The following GATAD1 variants were observed in gnomAD, a reference collection of about 807,000 sequenced individuals.
GATAD1 encodes GATA zinc finger domain containing 1.
GATAD1 carries 12 observed loss-of-function variants against 26.5 expected under a neutral mutation model. That is an observed-to-expected ratio of 0.45 (90% CI 0.29 to 0.73). The LOEUF is 0.73. Ranked by LOEUF, GATAD1 falls within the 30% of genes least tolerant of loss-of-function variation. The pLI, the probability that GATAD1 is intolerant of heterozygous loss-of-function variation, is 0.10. For synonymous variants in GATAD1, 129 were observed against 133.1 expected (o/e 0.97, Z 0.21); for missense variants, 266 against 342.1 (o/e 0.78, Z 1.75).
chr7:92,461,589 T>G (rs1448973594), downstream of GATAD1, among the ~76,000 whole-genome samples: 1 of 152,234 alleles, frequency 6.6e-6, no homozygotes, highest in Non-Finnish European at 1.5e-5. Context: ...ATGTAGTGCT[T>G]TGATACATTT....
chr7:92,448,037 A>C, intron 1 of GATAD1, 59 bp downstream of exon 1: 2 of 1,171,704 alleles, frequency 1.7e-6, no homozygotes, highest in Non-Finnish European at 2.1e-6. Flanking sequence ...GCGGGCGGGG[A>C]CGGGCTGGCT....
the GATAD1 span, chr7:92,470,174 G>A: frequency 1.4e-5 from 11 of 777,322 alleles, no homozygotes; most frequent in Middle Eastern, 3.5e-4. Flanking sequence ...TAGCAGTTGC[G>A]GGGCATATGG....
chr7:92,495,050 C>T, the GATAD1 span, among the ~76,000 whole-genome samples: 4 of 152,032 alleles, frequency 2.6e-5, no homozygotes, highest in East Asian at 7.7e-4. Context: ...TACTTATTGG[C>T]CACCCTTCCT....
At chr7:92,469,540 T>C in the GATAD1 span, 1 of 766,678 alleles carries the variant, frequency 1.3e-6, no homozygotes, top group South Asian at 1.3e-5. Flanking sequence ...TGAAGAGCCA[T>C]TCAAACAACG....
At chr7:92,478,874 C>T in the GATAD1 span, among the ~76,000 whole-genome samples, 1 of 152,302 alleles carries the variant, frequency 6.6e-6, no homozygotes, top group South Asian at 2.1e-4. Flanking sequence ...GTCATGGCCC[C>T]CTCCAGATAA....
the GATAD1 span, chr7:92,494,702 T>C: frequency 1.7e-6 from 2 of 1,183,406 alleles, no homozygotes; most frequent in Non-Finnish European, 2.5e-6. Flanking sequence ...TATACATATA[T>C]GAATGTATTT....
intron 3 of GATAD1, 156 bp from the exon 4 acceptor site, chr7:92,454,346 T>C: frequency 3.2e-6 from 2 of 621,938 alleles, no homozygotes; most frequent in Admixed American, 3.1e-5. Context: ...GAAACAACTT[T>C]AGAATTGGCA....
chr7:92,470,078 C>T, the GATAD1 span: 1 of 778,814 alleles, frequency 1.3e-6, no homozygotes, highest in Middle Eastern at 3.6e-4. Context: ...CAGACAGTGA[C>T]TCCAAGTCCT....
At chr7:92,468,824 G>A in the GATAD1 span, 1 of 764,122 alleles carries the variant, frequency 1.3e-6, no homozygotes, top group Non-Finnish European at 2.4e-6. Context: ...ATTTCCTCAG[G>A]AGGGGTGCCT....
Position 92,447,724 on chromosome 7 carries a change from G to T in GATAD1, c.-6G>T. ...GCGCCCGCGGGGGCCGCCCGAGCCG[G>T]CCACCATGCCGCTGGGCCTGAAGCC... On this transcript the variant is annotated 5_prime_UTR_variant, in exon 1 of 5. Coordinates refer to ENST00000287957, the MANE Select transcript of GATAD1 (RefSeq NM_021167.5). The T allele has an allele frequency of 1.4e-6, 2 of 1,463,942 alleles. No homozygotes were observed. Among genetic ancestry groups the T allele is most frequent in the Non-Finnish European group, 1.8e-6 (2 of 1,107,248 alleles). 90.7% of individuals were successfully genotyped at this position (1,463,942 alleles called of 1,614,324 possible).
chr7:92,459,503 C>G lies in GATAD1; in HGVS notation c.*2941C>G, dbSNP rs928461700. The G allele has an allele frequency of 1.3e-5, 2 of 152,180 alleles. No individual in the cohort carries two copies. The highest frequency in any genetic ancestry group is 2.9e-5 in the Non-Finnish European group (2 of 68,042). The allele number at this position is 152,180 out of a possible 1,614,324, so 9.4% of individuals were successfully genotyped here. ...ATATGGCCCTGGTCTGTGTTCCCAG[C>G]CTTGTTTCCTCATTACCACTAAAAT... is the stretch of plus-strand genomic sequence containing the variant. On this transcript the variant is annotated 3_prime_UTR_variant, in exon 5 of 5. Coordinates refer to ENST00000287957, the MANE Select transcript of GATAD1 (RefSeq NM_021167.5).
chr7:92,453,020 G>C (rs1427835988), intron 3 of GATAD1, among the ~76,000 whole-genome samples: 1 of 152,196 alleles, frequency 6.6e-6, no homozygotes, highest in Non-Finnish European at 1.5e-5. Context: ...GTAGGAACTA[G>C]CAAGTAGCGG....
chr7:92,456,146 A>T (rs1309169748), intron 4 of GATAD1, among the ~76,000 whole-genome samples: 1 of 152,186 alleles, frequency 6.6e-6, no homozygotes, highest in East Asian at 1.9e-4. Context: ...TACAAAATAA[A>T]CATGATGCAA....
At chr7:92,462,220 T>C (rs1789944310), downstream of GATAD1, among the ~76,000 whole-genome samples, 1 of 152,154 alleles carries the variant, frequency 6.6e-6, no homozygotes, top group Non-Finnish European at 1.5e-5. Context: ...GGTCCAACAA[T>C]AGGAAAATGA....
chr7:92,478,269 T>C, the GATAD1 span, among the ~76,000 whole-genome samples: 3 of 152,232 alleles, frequency 2.0e-5, no homozygotes, highest in Non-Finnish European at 2.9e-5. Flanking sequence ...GACTTCTGTC[T>C]ATGTTCACTG....
rs1414142170 is a variant in GATAD1, at chr7:92,459,859, C to T, written c.*3297C>T. On this transcript the variant is annotated 3_prime_UTR_variant, in exon 5 of 5. Transcript: ENST00000287957. Reference sequence around the variant, plus strand: ...TAGGGTCTGAGTTAGATACTGTTAACTAAAATGCTTGTTGATATTTTAGTT... The same window carrying T: ...TAGGGTCTGAGTTAGATACTGTTAATTAAAATGCTTGTTGATATTTTAGTT... 2.6e-5 allele frequency among the ~76,000 whole-genome samples: 4 copies of T among 152,208 alleles called. No individual in the cohort carries two copies. The highest frequency in any genetic ancestry group is 9.7e-5 in the African/African-American group (4 of 41,446).
At chr7:92,453,696 G>T (rs980260615) in intron 3 of GATAD1, among the ~76,000 whole-genome samples, 18 of 152,116 alleles carry the variant, frequency 1.2e-4, no homozygotes, top group African/African-American at 4.1e-4. Flanking sequence ...TATTTTCTTT[G>T]AGTGGATGGT....
chr7:92,481,696 G>T, the GATAD1 span, among the ~76,000 whole-genome samples: 1 of 152,208 alleles, frequency 6.6e-6, no homozygotes, highest in East Asian at 1.9e-4. Context: ...AATGGAAAGA[G>T]GAGTGGGGAA....
chr7:92,450,839 G>A, intron 3 of GATAD1, 79 bp downstream of exon 3: 1 of 840,798 alleles, frequency 1.2e-6, no homozygotes, highest in Non-Finnish European at 2.1e-6. Flanking sequence ...TTAGTCTAAA[G>A]GTCTCTGCTA....
Sources: allele counts gnomAD v4.1 joint callset (sites outside exome capture counted in the v4.1 genomes callset), GRCh38; gene constraint gnomAD v4.1.1; transcripts MANE v1.5; gene names NCBI Gene and HGNC (gene_info 2026-07-23, HGNC 2026-07-21).